NKAIN2: variants seen among roughly 807,000 people sequenced by gnomAD.
The protein encoded by NKAIN2 is sodium/potassium transporting ATPase interacting 2.
A neutral mutation model predicts 32.6 loss-of-function variants in NKAIN2; 14 were observed. That is an observed-to-expected ratio of 0.43 (90% confidence interval 0.28 to 0.67). The LOEUF (loss-of-function observed/expected upper bound fraction) is 0.67. Ranked by LOEUF, NKAIN2 falls within the 30% of genes least tolerant of loss-of-function variation. The probability of loss-of-function intolerance (pLI) is 0.17; values close to 1 mark genes in which losing one functional copy is unlikely to be tolerated. For synonymous variants in NKAIN2, 80 were observed against 87.2 expected (o/e 0.92, Z 0.46); for missense variants, 198 against 258.3 (o/e 0.77, Z 1.60).
chr6:124,531,433 T>C (rs1256597928), intron 3 of NKAIN2, among the ~76,000 whole-genome samples: 1 of 152,224 alleles, frequency 6.6e-6, no homozygotes, highest in Non-Finnish European at 1.5e-5. Flanking sequence ...TAATGTACTA[T>C]TTAATTCAGT....
At chr6:124,167,680 T>G (rs1222409612) in intron 1 of NKAIN2, among the ~76,000 whole-genome samples, 1 of 152,208 alleles carries the variant, frequency 6.6e-6, no homozygotes, top group Non-Finnish European at 1.5e-5. Context: ...CTTATTATTT[T>G]GAGATATGTC....
intron 1 of NKAIN2, among the ~76,000 whole-genome samples, chr6:124,149,551 A>T (rs759834097): frequency 6.6e-6 from 1 of 152,188 alleles, no homozygotes; most frequent in East Asian, 1.9e-4. Context: ...TTCTGTCCCC[A>T]TTGGATTATA....
At chr6:124,348,219 G>T (rs1288236237) in intron 2 of NKAIN2, among the ~76,000 whole-genome samples, 1 of 152,200 alleles carries the variant, frequency 6.6e-6, no homozygotes, top group Non-Finnish European at 1.5e-5. Context: ...GTTGTACCCG[G>T]CTGTGTGAGG....
intron 5 of NKAIN2, among the ~76,000 whole-genome samples, chr6:124,796,587 C>T (rs1201538773): frequency 3.9e-5 from 6 of 152,138 alleles, no homozygotes; most frequent in Non-Finnish European, 8.8e-5. Flanking sequence ...GCCAGGCCAG[C>T]TCCATACTCA....
At chr6:123,873,820 A>T (rs538169320) in intron 1 of NKAIN2, among the ~76,000 whole-genome samples, 1 of 152,318 alleles carries the variant, frequency 6.6e-6, no homozygotes, top group South Asian at 2.1e-4. Flanking sequence ...ATTGATTTGA[A>T]GCAGCATTGC....
At chr6:124,037,092 G>A (rs1781634638) in intron 1 of NKAIN2, among the ~76,000 whole-genome samples, 1 of 152,074 alleles carries the variant, frequency 6.6e-6, no homozygotes, top group Admixed American at 6.6e-5. Flanking sequence ...ACCTGTGCTG[G>A]TTAATTCTTT....
intron 2 of NKAIN2, among the ~76,000 whole-genome samples, chr6:124,353,069 A>T (rs971677877): frequency 6.6e-6 from 1 of 152,230 alleles, no homozygotes; most frequent in African/African-American, 2.4e-5. Flanking sequence ...AGTAAATCTG[A>T]TAAAAACCGG....
chr6:124,581,927 CA>C (rs938487389), intron 3 of NKAIN2, among the ~76,000 whole-genome samples: 2 of 151,854 alleles, frequency 1.3e-5, no homozygotes, highest in Non-Finnish European at 2.9e-5. Flanking sequence ...AAATAAACTT[CA>C]AAAAGACAAC....
intron 3 of NKAIN2, among the ~76,000 whole-genome samples, chr6:124,578,649 C>T (rs1164616250): frequency 6.6e-6 from 1 of 152,102 alleles, no homozygotes; most frequent in Non-Finnish European, 1.5e-5. Flanking sequence ...GGCAACTCAT[C>T]ACCCTGAAGG....
rs188958229 is a variant in NKAIN2, at chr6:124,141,070, T to C, written c.55-141935T>C. Among the ~76,000 whole-genome samples the C allele has an allele frequency of 3.3e-5, 5 of 152,312 alleles. No homozygotes were observed. The East Asian group carries it at 9.6e-4, about 29-fold the overall frequency. ...TATGAGATTGCTGTCAATGTTGCAT[T>C]GAGTCAATTAAGCCAGGGATCACAG... On this transcript the variant is annotated intron_variant, in intron 1 of 6. Coordinates refer to ENST00000368417, the MANE Select transcript of NKAIN2 (RefSeq NM_001040214.3).
At chr6:124,815,225 C>CATATATATATATATATATATATATAT (rs56841213) in intron 5 of NKAIN2, among the ~76,000 whole-genome samples, 28 of 136,982 alleles carry the variant, frequency 2.0e-4, no homozygotes, top group African/African-American at 7.4e-4. Flanking sequence ...TATATATATA[C>CATATATATATATATATATATATATAT]ATATATATAT....
intron 2 of NKAIN2, among the ~76,000 whole-genome samples, chr6:124,335,077 T>A (rs2115062643): frequency 6.6e-6 from 1 of 152,282 alleles, no homozygotes; most frequent in African/African-American, 2.4e-5. Context: ...AGAAGACAGG[T>A]ATCACACGAA....
At chr6:123,991,193 T>C (rs1779394830) in intron 1 of NKAIN2, among the ~76,000 whole-genome samples, 2 of 152,206 alleles carry the variant, frequency 1.3e-5, no homozygotes, top group South Asian at 2.1e-4. Context: ...GTTAATTTGT[T>C]TTATTTAATG....
At chr6:124,520,203 GA>G (rs1191116479) in intron 3 of NKAIN2, among the ~76,000 whole-genome samples, 1 of 151,480 alleles carries the variant, frequency 6.6e-6, no homozygotes, top group Non-Finnish European at 1.5e-5. Flanking sequence ...GAAGAAATGG[GA>G]AAAAAAAGAA....
intron 3 of NKAIN2, among the ~76,000 whole-genome samples, chr6:124,524,759 A>G (rs1032123226): frequency 4.6e-5 from 7 of 152,206 alleles, no homozygotes; most frequent in East Asian, 1.9e-4. Flanking sequence ...AACTTCTAAC[A>G]TATCCCTTTT....
At chr6:123,966,684 G>T (rs536679551) in intron 1 of NKAIN2, among the ~76,000 whole-genome samples, 1 of 152,124 alleles carries the variant, frequency 6.6e-6, no homozygotes, top group Admixed American at 6.6e-5. Flanking sequence ...TGCTGGTGTA[G>T]CAAAAACACC....
intron 1 of NKAIN2, among the ~76,000 whole-genome samples, chr6:124,182,216 C>T (rs1054668693): frequency 2.0e-5 from 3 of 152,104 alleles, no homozygotes; most frequent in African/African-American, 7.2e-5. Context: ...TGAGAAAAAC[C>T]TGTTCCCATG....
chr6:124,407,809 C>T (rs1043046501), intron 3 of NKAIN2, among the ~76,000 whole-genome samples: 101 of 151,164 alleles, frequency 6.7e-4, no homozygotes, highest in African/African-American at 2.3e-3. Context: ...TACAGTCCCA[C>T]CAACAGTGTA....
rs1034119464 is a variant in NKAIN2, at chr6:124,437,865, T to G, written c.273+82518T>G. On this transcript the variant is annotated intron_variant, in intron 3 of 6. Coordinates refer to ENST00000368417, the MANE Select transcript of NKAIN2 (RefSeq NM_001040214.3). ...CTGAATTGTAGGGAATACGTACTGA[T>G]CTATTGATTTTTTTTTTTTTTTTTT... 2.3e-5 allele frequency: 9 copies of G among 383,902 alleles called. No homozygotes were observed. The African/African-American group carries it at 2.6e-4, about 11-fold the overall frequency. The allele number at this position is 383,902 out of a possible 1,614,324, so 23.8% of individuals were successfully genotyped here. A position where few individuals can be genotyped will look rare whatever the true frequency, so the allele number is the denominator to read the frequency against.
Sources: allele counts gnomAD v4.1 joint callset (sites outside exome capture counted in the v4.1 genomes callset), GRCh38; gene constraint gnomAD v4.1.1; transcripts MANE v1.5; gene names NCBI Gene and HGNC (gene_info 2026-07-23, HGNC 2026-07-21).